HDAC9: variants seen among roughly 807,000 people sequenced by gnomAD.
HDAC9 encodes MEF-2 interacting transcription repressor (MITR) protein.
Under a neutral mutation model 139.4 loss-of-function variants are expected in HDAC9, and 41 were observed. The ratio of observed to expected loss-of-function variants is 0.29; its 90% CI spans 0.23 to 0.38. The LOEUF (loss-of-function observed/expected upper bound fraction) is 0.38, where lower values mean the gene tolerates loss of function less well. Among genes scored for constraint, HDAC9 ranks in the 10% least tolerant of loss-of-function variants. HDAC9 has a pLI of 1.00. For missense variants in HDAC9, 1,147 were observed against 1,297.0 expected (o/e 0.88, Z 1.78); for synonymous variants, 517 against 476.2 (o/e 1.09, Z -1.12).
chr7:18,915,128 G>A (rs1323417299), intron 22 of HDAC9, among the ~76,000 whole-genome samples: 1 of 152,126 alleles, frequency 6.6e-6, no homozygotes, highest in Middle Eastern at 3.4e-3. Context: ...GGGGATGTGT[G>A]TTTTCAAATG....
At chr7:18,937,096 G>T (rs1181610746) in intron 23 of HDAC9, among the ~76,000 whole-genome samples, 1 of 136,256 alleles carries the variant, frequency 7.3e-6, no homozygotes, top group African/African-American at 2.7e-5. Context: ...CTGGAGTGCA[G>T]TGGCGCGATC....
chr7:18,739,457 C>T (rs1787239138), intron 13 of HDAC9, among the ~76,000 whole-genome samples: 1 of 151,998 alleles, frequency 6.6e-6, no homozygotes, highest in South Asian at 2.1e-4. Flanking sequence ...GTGTAGATGT[C>T]CTTTTTGTTG....
At chr7:18,546,532 G>A (rs889202399) in intron 2 of HDAC9, among the ~76,000 whole-genome samples, 1 of 152,092 alleles carries the variant, frequency 6.6e-6, no homozygotes, top group African/African-American at 2.4e-5. Flanking sequence ...GACCTATCCT[G>A]ACACCTTCTT....
chr7:18,524,859 GACAT>G (rs1441163094), intron 2 of HDAC9, among the ~76,000 whole-genome samples: 2 of 128,764 alleles, frequency 1.6e-5, no homozygotes, highest in African/African-American at 6.1e-5. Context: ...AAAACTTAGT[GACAT>G]ACACACACAC....
chr7:18,143,990 C>A (rs545124971), intron 1 of HDAC9, among the ~76,000 whole-genome samples: 33 of 152,056 alleles, frequency 2.2e-4, no homozygotes, highest in Non-Finnish European at 4.1e-4. Flanking sequence ...ATTGCTGGAT[C>A]TATTTATGCA....
At chr7:18,794,634 G>A (rs1792622750) in intron 17 of HDAC9, among the ~76,000 whole-genome samples, 1 of 152,128 alleles carries the variant, frequency 6.6e-6, no homozygotes, top group Non-Finnish European at 1.5e-5. Context: ...CTTTACCTTT[G>A]AAAATGAGCA....
Position 18,829,207 on chromosome 7 carries a change from C to G in HDAC9, c.2369C>G (p.Ser790Cys). The change falls in exon 18 of 26, where the codon TCC becomes TGC. Residue 790 changes from serine to cysteine, a missense_variant. Physicochemically the swap from Ser to Cys is moderately radical, Grantham distance 112. Coordinates refer to ENST00000686413, the MANE Select transcript of HDAC9 (RefSeq NM_178425.4). Reference protein sequence around the residue: ...VRPPGHHAEESTAMGFCFFNS... With the variant: ...VRPPGHHAEECTAMGFCFFNS... ...CCCCCTGGCCATCACGCTGAAGAAT[C>G]CACAGCCATGTAAGTACCAGGGACT... 6.2e-7 allele frequency: 1 copy of G among 1,612,300 alleles called. No individual in the cohort carries two copies. The highest frequency in any genetic ancestry group is 8.5e-7 in the Non-Finnish European group (1 of 1,178,318).
At chr7:18,880,820 A>G (rs1241237801) in intron 22 of HDAC9, among the ~76,000 whole-genome samples, 2 of 135,124 alleles carry the variant, frequency 1.5e-5, no homozygotes, top group South Asian at 5.3e-4. Flanking sequence ...TAAGTGATTT[A>G]AAAAAGAATA....
intron 1 of HDAC9, among the ~76,000 whole-genome samples, chr7:18,374,112 C>T (rs1784796822): frequency 6.6e-6 from 1 of 150,516 alleles, no homozygotes; most frequent in Admixed American, 6.6e-5. Flanking sequence ...TCATACTATG[C>T]ATATATATCA....
intron 2 of HDAC9, among the ~76,000 whole-genome samples, chr7:18,270,586 G>A (rs1380748271): frequency 6.6e-6 from 1 of 152,026 alleles, no homozygotes; most frequent in African/African-American, 2.4e-5. Flanking sequence ...TCTGTAAAAA[G>A]TTAGGCTATA....
At chr7:18,414,624 T>C (rs189257445) in intron 1 of HDAC9, among the ~76,000 whole-genome samples, 1 of 152,306 alleles carries the variant, frequency 6.6e-6, no homozygotes, top group Admixed American at 6.5e-5. Context: ...TTTTACATCT[T>C]GCTATTTCCA....
At chr7:18,840,345 A>G (rs932192746) in intron 21 of HDAC9, among the ~76,000 whole-genome samples, 3 of 152,068 alleles carry the variant, frequency 2.0e-5, no homozygotes, top group African/African-American at 7.2e-5. Context: ...TTCAATAGAC[A>G]GTGAATCTGT....
intron 2 of HDAC9, among the ~76,000 whole-genome samples, chr7:18,173,726 A>G (rs1173702858): frequency 6.6e-6 from 1 of 152,172 alleles, no homozygotes; most frequent in African/African-American, 2.4e-5. Context: ...TGGATATGAA[A>G]TTCTGGGTTG....
At chr7:18,721,769 C>A (rs58717767) in intron 12 of HDAC9, among the ~76,000 whole-genome samples, 10,625 of 152,204 alleles carry the variant, frequency 0.07, 616 homozygotes, top group African/African-American at 0.16. Flanking sequence ...AGAAAAAAAT[C>A]TGTTATTACA....
Position 18,302,484 on chromosome 7 carries a change from T to C in HDAC9, c.-42+11969T>C, listed in dbSNP as rs191171765. 2.3e-4 allele frequency among the ~76,000 whole-genome samples: 35 copies of C among 152,326 alleles called. No homozygotes were observed. In the East Asian group the frequency reaches 5.0e-3, roughly 22 times the overall value. ...GAAGATCTGGATTTTTACATAAGCA[T>C]ATTATTAGCTACCTCAGTGATATTT... On this transcript the variant is annotated intron_variant, in intron 1 of 3. Coordinates refer to the HDAC9 transcript ENST00000413509.
At chr7:18,298,643 A>G (rs1293591311) in intron 1 of HDAC9, among the ~76,000 whole-genome samples, 3 of 152,160 alleles carry the variant, frequency 2.0e-5, no homozygotes, top group East Asian at 1.9e-4. Flanking sequence ...ATAATTTTCA[A>G]AAGTTTTTAC....
In HDAC9 at chr7:18,102,958, A is replaced by G. The variant is rs1263081756; in HGVS notation, c.-97+15745A>G. The stretch of plus-strand genomic sequence containing the variant: ...TTTTAAAGAAGGCCTAGGACAGTGT[A>G]TTAATCTGTTCTCACACTGCTAATA... On this transcript the variant is annotated intron_variant, in intron 1 of 12. Coordinates refer to the HDAC9 transcript ENST00000417496. 2.0e-5 allele frequency among the ~76,000 whole-genome samples: 3 copies of G among 152,216 alleles called. No homozygotes were observed. The East Asian group carries it at 5.8e-4, about 29-fold the overall frequency.
chr7:18,361,092 CA>C (rs1174020692), intron 1 of HDAC9, among the ~76,000 whole-genome samples: 4 of 151,940 alleles, frequency 2.6e-5, no homozygotes, highest in African/African-American at 9.7e-5. Context: ...CTTTAGCTAG[CA>C]AATTTTTTTT....
intron 12 of HDAC9, among the ~76,000 whole-genome samples, chr7:18,670,736 G>A (rs1214650577): frequency 2.6e-5 from 4 of 151,918 alleles, no homozygotes; most frequent in African/African-American, 7.2e-5. Context: ...ATATCTGCCC[G>A]ATATGCTTAC....
Sources: gnomAD v4.1 joint callset for allele counts (sites outside exome capture counted in the v4.1 genomes callset) on GRCh38, gnomAD v4.1.1 for gene constraint, MANE v1.5 for transcripts, NCBI Gene and HGNC (gene_info 2026-07-23, HGNC 2026-07-21) for gene names.